Variants in KIF2B observed in about 807,000 individuals in gnomAD.
KIF2B encodes kinesin-like protein KIF2B.
KIF2B carries 5 observed loss-of-function variants against 6.8 expected under a neutral mutation model. That is an observed-to-expected ratio of 0.74 (90% confidence interval 0.39 to 1.55). The LOEUF (loss-of-function observed/expected upper bound fraction) is 1.55. Ranked by LOEUF, KIF2B falls within the 40% of genes most tolerant of loss-of-function variation. The probability of loss-of-function intolerance (pLI) is 0.03; values close to 1 mark genes in which losing one functional copy is unlikely to be tolerated. For missense variants in KIF2B, 908 were observed against 831.3 expected (o/e 1.09, Z -1.13); for synonymous variants, 370 against 330.7 (o/e 1.12, Z -1.29).
chr17:53,823,313 C>A lies in KIF2B; in HGVS notation c.280C>A (p.Pro94Thr). ...TGCTGAACACCCCATGCCGCCCCCG[C>A]CCTTATCCCCCTTGGCTCTGGCGCC... ...DSAEHPMPPP[P>T]LSPLALAPSS... Residue 94 changes from proline (P) to threonine (T), a missense_variant, in exon 1 of 1, where the codon CCC becomes ACC. Pro to Thr is a conservative substitution (Grantham distance 38). Coordinates refer to ENST00000268919, the MANE Select transcript of KIF2B (RefSeq NM_032559.5). The A allele has an allele frequency of 6.2e-7, 1 of 1,614,170 alleles. No homozygotes were observed. The highest frequency in any genetic ancestry group is 1.7e-5 in the Admixed American group (1 of 60,026).
Position 53,823,448 on chromosome 17 carries a change from C to A in KIF2B, c.415C>A (p.Pro139Thr), listed in dbSNP as rs1182060050. Reference sequence around the variant, plus strand: ...CCTGGATGTGAGGGTCCCCAGCAAACCTTGTCTGATGAAGCAGAAAAAGTC... The same window carrying A: ...CCTGGATGTGAGGGTCCCCAGCAAAACTTGTCTGATGAAGCAGAAAAAGTC... Reference protein sequence around the residue: ...DSLDVRVPSKPCLMKQKKSPC... With the variant: ...DSLDVRVPSKTCLMKQKKSPC... The change falls in exon 1 of 1, where the codon CCT (proline) becomes ACT (threonine). Residue 139 changes from proline to threonine, a missense_variant. Transcript: ENST00000268919. 10 of 1,614,062 alleles carry A rather than the reference C, an allele frequency of 6.2e-6. No individual in the cohort carries two copies. The highest frequency in any genetic ancestry group is 5.3e-5 in the African/African-American group (4 of 74,934).
In KIF2B at chr17:53,824,080, C is replaced by A. The variant is rs1282766997; in HGVS notation, c.1047C>A (p.Asp349Glu). The A allele has an allele frequency of 6.2e-7, 1 of 1,614,200 alleles. No individual in the cohort carries two copies. The highest frequency in any genetic ancestry group is 1.1e-5 in the South Asian group (1 of 91,080). Residue 349 changes from aspartate (D) to glutamate (E), a missense_variant, in exon 1 of 1, where the codon GAC (aspartate) becomes GAA (glutamate). Asp to Glu is a conservative substitution (Grantham distance 45). Coordinates refer to ENST00000268919, the MANE Select transcript of KIF2B (RefSeq NM_032559.5). ...LLRNSTYEKLDLKVYGTFFEI... is the reference protein window; with the variant it reads ...LLRNSTYEKLELKVYGTFFEI... ...GAAACTCCACATATGAGAAGCTGGACCTCAAAGTCTATGGGACATTTTTTG... is the reference window on the plus strand; with the variant it reads ...GAAACTCCACATATGAGAAGCTGGAACTCAAAGTCTATGGGACATTTTTTG...
rs1301753719 is a variant in KIF2B at position 53,824,156 on chromosome 17, C to T, written c.1123C>T (p.Gln375Ter). The part of the protein sequence containing the change: ...YDLLNWKKKL[Q>*]VLEDGNQQIQ... ...TTTGTTGAACTGGAAGAAGAAGCTG[C>T]AAGTCCTTGAGGATGGCAATCAGCA... Residue 375 changes from glutamine (Q) to a stop codon, truncating the protein, a stop_gained, in exon 1 of 1, where the codon CAA becomes TAA. Transcript: ENST00000268919. LOFTEE classifies it low-confidence loss of function (END_TRUNC). 1 of 1,614,170 alleles carries T rather than the reference C, an allele frequency of 6.2e-7. No homozygotes were observed. Among genetic ancestry groups the T allele is most frequent in the Non-Finnish European group, 8.5e-7 (1 of 1,180,030 alleles).
rs776429648 is a variant in KIF2B, at chr17:53,825,052, G to C, written c.2019G>C (p.Glu673Asp). The change falls in exon 1 of 1, where the codon GAG becomes GAC. Residue 673 changes from glutamate to aspartate, a missense_variant. By Grantham distance (45) the Glu-to-Asp change is conservative (BLOSUM62 2). Transcript: ENST00000268919. ...ACCTCCACGTGAAGAGCAAGGTAGA[G>C]TGAAGCCAATGGCGAGAGATCAGGT... ...LADLHVKSKVE is the reference protein window; with the variant it reads ...LADLHVKSKVD 6 of 1,602,484 alleles carry C rather than the reference G, an allele frequency of 3.7e-6. No homozygotes were observed. The highest frequency in any genetic ancestry group is 5.1e-6 in the Non-Finnish European group (6 of 1,174,258).
Position 53,823,116 on chromosome 17 carries a change from A to G in KIF2B, c.83A>G (p.Glu28Gly), listed in dbSNP as rs375544135. ...AAGCCACATTTCGGAGACATCCAAGAGGGCATCTACGTGGCGATCCAGCGC... is the reference window on the plus strand; with the variant it reads ...AAGCCACATTTCGGAGACATCCAAGGGGGCATCTACGTGGCGATCCAGCGC... ...PLKPHFGDIQ[E>G]GIYVAIQRSD... is the part of the protein sequence containing the mutation. The change falls in exon 1 of 1, where the codon GAG (glutamate) becomes GGG (glycine). Residue 28 changes from glutamate (E) to glycine (G), a missense_variant. Transcript: ENST00000268919. 4.7e-5 allele frequency: 76 copies of G among 1,614,064 alleles called. No homozygotes were observed. The highest frequency in any genetic ancestry group is 6.3e-5 in the Non-Finnish European group (74 of 1,180,044).
rs1009696541 is a variant in KIF2B, at chr17:53,824,369, G to A, written c.1336G>A (p.Val446Ile). ...GRIMHGKFSLVDLAGNERGAD... is the reference protein window; with the variant it reads ...GRIMHGKFSLIDLAGNERGAD... ...GATAATGCATGGCAAGTTTTCCCTC[G>A]TTGATTTAGCTGGGAATGAAAGAGG... The change falls in exon 1 of 1, where the codon GTT becomes ATT. Residue 446 changes from valine to isoleucine, a missense_variant. Val to Ile is a conservative substitution (Grantham distance 29, BLOSUM62 3). Transcript: ENST00000268919. 8 of 1,613,938 alleles carry A rather than the reference G, an allele frequency of 5.0e-6. No homozygotes were observed. Among genetic ancestry groups the A allele is most frequent in the Non-Finnish European group, 6.8e-6 (8 of 1,180,014 alleles).
At position 53,823,969 on chromosome 17, in the gene KIF2B, C is replaced by G. The variant is rs773946691; in HGVS notation, c.936C>G (p.Thr312=). 7.7e-5 allele frequency: 125 copies of G among 1,614,098 alleles called. No individual in the cohort carries two copies. The highest frequency in any genetic ancestry group is 1.3e-5 in the Non-Finnish European group (15 of 1,180,040). The part of the protein sequence containing the change: ...YGQTGSGKTY[T]MGGDFSGTAQ... ...AGACGGGAAGTGGGAAGACGTACAC[C>G]ATGGGTGGAGACTTTTCAGGAACGG... The change falls in exon 1 of 1, where the codon ACC becomes ACG. Residue 312 remains threonine, a synonymous_variant. Transcript: ENST00000268919.
At position 53,823,369 on chromosome 17, in the gene KIF2B, C is replaced by G. The variant is rs2143779139; in HGVS notation, c.336C>G (p.Ala112=). 1 of 1,614,136 alleles carries G rather than the reference C, an allele frequency of 6.2e-7. No individual in the cohort carries two copies. The highest frequency in any genetic ancestry group is 8.5e-7 in the Non-Finnish European group (1 of 1,180,020). ...PSSAIRDQRT[A]TKWVAMIPQK... is the part of the protein sequence containing the mutation. ...CGGCCATCAGGGACCAGCGTACCGC[C>G]ACGAAATGGGTTGCGATGATCCCCC... The change falls in exon 1 of 1, where the codon GCC becomes GCG. Residue 112 remains alanine (A), a synonymous_variant. Coordinates refer to ENST00000268919, the MANE Select transcript of KIF2B (RefSeq NM_032559.5).
rs763773013 is a variant in KIF2B at position 53,823,366 on chromosome 17, C to T, written c.333C>T (p.Thr111=). The T allele has an allele frequency of 4.3e-6, 7 of 1,613,954 alleles. No individual in the cohort carries two copies. Among genetic ancestry groups the T allele is most frequent in the African/African-American group, 1.3e-5 (1 of 74,902 alleles). The part of the protein sequence containing the change: ...APSSAIRDQR[T]ATKWVAMIPQ... ...CTTCGGCCATCAGGGACCAGCGTAC[C>T]GCCACGAAATGGGTTGCGATGATCC... The change falls in exon 1 of 1, where the codon ACC becomes ACT. Residue 111 remains threonine, a synonymous_variant. Coordinates refer to ENST00000268919, the MANE Select transcript of KIF2B (RefSeq NM_032559.5).
In KIF2B at chr17:53,822,948, T is replaced by C. The variant is rs941047817; in HGVS notation, c.-86T>C. ...AGGCACAGACTGCAACCCTGCTCAG[T>C]GCTCCGGGCGCTTCAGGCTGGCTTG... is the stretch of plus-strand genomic sequence containing the variant. On this transcript the variant is annotated 5_prime_UTR_variant, in exon 1 of 1. Coordinates refer to ENST00000268919, the MANE Select transcript of KIF2B (RefSeq NM_032559.5). 3 of 1,241,850 alleles carry C rather than the reference T, an allele frequency of 2.4e-6. No individual in the cohort carries two copies. Among genetic ancestry groups the C allele is most frequent in the Non-Finnish European group, 2.3e-6 (2 of 886,252 alleles). 76.9% of individuals were successfully genotyped at this position (1,241,850 alleles called of 1,614,324 possible).
rs371685183 is a variant in KIF2B, at chr17:53,824,945, A to G, written c.1912A>G (p.Ile638Val). ...GGVHHDIDFC[I>V]ARSLSILEQK... is the part of the protein sequence containing the mutation. ...AGTACACCATGATATTGATTTTTGC[A>G]TTGCCCGGTCTTTGTCCATTTTGGA... The change falls in exon 1 of 1, where the codon ATT becomes GTT. Residue 638 changes from isoleucine to valine, a missense_variant. Ile to Val is a conservative substitution (Grantham distance 29, BLOSUM62 3). Transcript: ENST00000268919. The G allele has an allele frequency of 1.6e-5, 26 of 1,613,996 alleles. No homozygotes were observed. The highest frequency in any genetic ancestry group is 2.2e-5 in the Non-Finnish European group (26 of 1,180,032).
chr17:53,823,070 C>T lies in KIF2B; in HGVS notation c.37C>T (p.Leu13Phe), dbSNP rs2143777464. 6.2e-7 allele frequency: 1 copy of T among 1,614,142 alleles called. No homozygotes were observed. The highest frequency in any genetic ancestry group is 2.2e-5 in the East Asian group (1 of 44,862). Residue 13 changes from leucine (L) to phenylalanine (F), a missense_variant, in exon 1 of 1, where the codon CTC becomes TTC. By Grantham distance (22) the Leu-to-Phe change is conservative (BLOSUM62 0). Transcript: ENST00000268919. ...GTTCTGCCTCCCTGAATCCCCATGT[C>T]TCTCGCCCCTGAAACCCTTGAAGCC... is the stretch of plus-strand genomic sequence containing the variant. The part of the protein sequence containing the change: ...SQFCLPESPC[L>F]SPLKPLKPHF...
chr17:53,823,926 C>A lies in KIF2B; in HGVS notation c.893C>A (p.Thr298Asn), dbSNP rs1446933703. 11 of 1,614,210 alleles carry A rather than the reference C, an allele frequency of 6.8e-6. No homozygotes were observed. The highest frequency in any genetic ancestry group is 9.3e-6 in the Non-Finnish European group (11 of 1,180,052). The change falls in exon 1 of 1, where the codon ACC (threonine) becomes AAC (asparagine). Residue 298 changes from threonine (T) to asparagine (N), a missense_variant. Coordinates refer to ENST00000268919, the MANE Select transcript of KIF2B (RefSeq NM_032559.5). ...VESIFRKGMA[T>N]CFAYGQTGSG... ...TCCATCTTCCGCAAGGGCATGGCCACCTGCTTTGCCTATGGGCAGACGGGA... is the reference window on the plus strand; with the variant it reads ...TCCATCTTCCGCAAGGGCATGGCCAACTGCTTTGCCTATGGGCAGACGGGA...
Position 53,823,415 on chromosome 17 carries a change from G to C in KIF2B, c.382G>C (p.Gly128Arg), listed in dbSNP as rs9912492. Residue 128 changes from glycine (G) to arginine (R), a missense_variant, in exon 1 of 1, where the codon GGG (glycine) becomes CGG (arginine). Transcript: ENST00000268919. ...CCCCCAGAAAAACCAAACAGCCTCA[G>C]GGGACAGCCTGGATGTGAGGGTCCC... ...MIPQKNQTAS[G>R]DSLDVRVPSK... The C allele has an allele frequency of 7.4e-3, 11,882 of 1,614,110 alleles. 718 individuals carry two copies. In the African/African-American group the frequency reaches 0.13, roughly 18 times the overall value.
chr17:53,823,632 G>C lies in KIF2B; in HGVS notation c.599G>C (p.Ser200Thr), dbSNP rs2143780781. 6.2e-7 allele frequency: 1 copy of C among 1,613,626 alleles called. No individual in the cohort carries two copies. Among genetic ancestry groups the C allele is most frequent in the African/African-American group, 1.3e-5 (1 of 75,068 alleles). ...MIEEYRRHLDSSKISVLEPPQ... is the reference protein window; with the variant it reads ...MIEEYRRHLDTSKISVLEPPQ... Reference sequence around the variant, plus strand: ...GAAGAGTATCGCAGGCACCTGGACAGCAGCAAGATCTCAGTCCTGGAGCCC... The same window carrying C: ...GAAGAGTATCGCAGGCACCTGGACACCAGCAAGATCTCAGTCCTGGAGCCC... Residue 200 changes from serine to threonine, a missense_variant, in exon 1 of 1, where the codon AGC becomes ACC. Ser to Thr is a moderately conservative substitution (Grantham distance 58). Coordinates refer to ENST00000268919, the MANE Select transcript of KIF2B (RefSeq NM_032559.5).
At position 53,823,139 on chromosome 17, in the gene KIF2B, C is replaced by T. The variant is rs138727670; in HGVS notation, c.106C>T (p.Arg36Cys). 203 of 1,614,192 alleles carry T rather than the reference C, an allele frequency of 1.3e-4. No individual in the cohort carries two copies. In the African/African-American group the frequency reaches 2.3e-3, roughly 18 times the overall value. The change falls in exon 1 of 1, where the codon CGC (arginine) becomes TGC (cysteine). Residue 36 changes from arginine to cysteine, a missense_variant. Transcript: ENST00000268919. The part of the protein sequence containing the change: ...IQEGIYVAIQ[R>C]SDKRIHLAVV... The stretch of plus-strand genomic sequence containing the variant: ...AGAGGGCATCTACGTGGCGATCCAG[C>T]GCAGTGACAAGCGGATCCACCTCGC...
rs1434678006 is a variant in KIF2B at position 53,824,753 on chromosome 17, A to G, written c.1720A>G (p.Met574Val). Residue 574 changes from methionine (M) to valine (V), a missense_variant, in exon 1 of 1, where the codon ATG becomes GTG. By Grantham distance (21) the Met-to-Val change is conservative. Coordinates refer to ENST00000268919, the MANE Select transcript of KIF2B (RefSeq NM_032559.5). ...MLKSHIGNSE[M>V]SLQRDEFIKI... ...AAAAAGTCACATCGGAAATTCAGAA[A>G]TGTCCCTTCAGAGGGATGAATTTAT... 1 of 1,614,220 alleles carries G rather than the reference A, an allele frequency of 6.2e-7. No individual in the cohort carries two copies. The highest frequency in any genetic ancestry group is 8.5e-7 in the Non-Finnish European group (1 of 1,180,032).
At position 53,824,341 on chromosome 17, in the gene KIF2B, AC is replaced by A. The variant is rs753725143; in HGVS notation, c.1309del (p.Arg437GlyfsTer2). 12 of 1,614,130 alleles carry A rather than the reference AC, an allele frequency of 7.4e-6. No individual in the cohort carries two copies. In the South Asian group the frequency reaches 1.1e-4, roughly 15 times the overall value. On this transcript the variant is annotated frameshift_variant, in exon 1 of 1. Coordinates refer to ENST00000268919, the MANE Select transcript of KIF2B (RefSeq NM_032559.5). LOFTEE classifies it low-confidence loss of function (END_TRUNC). ...AVFQIILKSG[R>X]IMHGKFSLVD... is the part of the protein sequence containing the mutation. Reference sequence around the variant, plus strand: ...TGTTCCAGATCATCCTGAAGTCAGGACGGATAATGCATGGCAAGTTTTCCCT... The same window carrying A: ...TGTTCCAGATCATCCTGAAGTCAGGAGGATAATGCATGGCAAGTTTTCCCT...
rs2143783704 is a variant in KIF2B, at chr17:53,824,128, T to C, written c.1095T>C (p.Tyr365=). The part of the protein sequence containing the change: ...TFFEIYGGKV[Y]DLLNWKKKLQ... ...TTGAGATTTATGGGGGCAAGGTGTATGATTTGTTGAACTGGAAGAAGAAGC... is the reference window on the plus strand; with the variant it reads ...TTGAGATTTATGGGGGCAAGGTGTACGATTTGTTGAACTGGAAGAAGAAGC... The change falls in exon 1 of 1, where the codon TAT becomes TAC. Residue 365 remains tyrosine (Y), a synonymous_variant. Coordinates refer to ENST00000268919, the MANE Select transcript of KIF2B (RefSeq NM_032559.5). 1 of 1,614,216 alleles carries C rather than the reference T, an allele frequency of 6.2e-7. No individual in the cohort carries two copies. The highest frequency in any genetic ancestry group is 8.5e-7 in the Non-Finnish European group (1 of 1,180,040).
Sources: gnomAD v4.1 joint callset for allele counts on GRCh38, gnomAD v4.1.1 for gene constraint, MANE v1.5 for transcripts, NCBI Gene and HGNC (gene_info 2026-07-23, HGNC 2026-07-21) for gene names.